Variants in ISM1 observed in about 807,000 individuals in gnomAD.
ISM1 encodes the protein isthmin 1.
In ISM1, 25 loss-of-function variants were observed where a neutral mutation model predicts 46.3. The observed-to-expected ratio is 0.54, with a 90% CI of 0.39 to 0.75. ISM1 has a LOEUF of 0.75. Among genes scored for constraint, ISM1 ranks in the 30% least tolerant of loss-of-function variants. ISM1 has a pLI of 0.00. For missense variants in ISM1, 536 were observed against 625.4 expected (o/e 0.86, Z 1.52); for synonymous variants, 255 against 256.7 (o/e 0.99, Z 0.06).
chr20:13,307,902 G>A, the ISM1 span, among the ~76,000 whole-genome samples: 1 of 152,192 alleles, frequency 6.6e-6, no homozygotes, highest in East Asian at 1.9e-4. Context: ...AGTCCAGGGT[G>A]TGCTTTTGGG....
intron 5 of ISM1, among the ~76,000 whole-genome samples, chr20:13,297,179 G>C (rs533775438): frequency 6.6e-6 from 1 of 152,216 alleles, no homozygotes; most frequent in Non-Finnish European, 1.5e-5. Flanking sequence ...TATGGGGAAA[G>C]GGCGTTCTTT....
chr20:13,296,281 G>A (rs890671257), intron 5 of ISM1, among the ~76,000 whole-genome samples: 20 of 152,180 alleles, frequency 1.3e-4, no homozygotes, highest in African/African-American at 4.3e-4. Context: ...GCCCAGCTGC[G>A]CATGAATGCA....
At chr20:13,282,476 G>C (rs1459939060) in intron 3 of ISM1, among the ~76,000 whole-genome samples, 5 of 152,178 alleles carry the variant, frequency 3.3e-5, no homozygotes, top group Admixed American at 3.3e-4. Flanking sequence ...TGAGCATTAA[G>C]AACACCCCCT....
At chr20:13,223,951 G>T (rs1367310851) in intron 1 of ISM1, among the ~76,000 whole-genome samples, 1 of 151,990 alleles carries the variant, frequency 6.6e-6, no homozygotes, top group Non-Finnish European at 1.5e-5. Context: ...GGCCTTTTCC[G>T]CTTGAACAGT....
intron 1 of ISM1, among the ~76,000 whole-genome samples, 170 bp from the exon 2 acceptor site, chr20:13,270,334 A>G (rs2040097285): frequency 6.6e-6 from 1 of 152,240 alleles, no homozygotes; most frequent in African/African-American, 2.4e-5. Context: ...TCTGGCTTTT[A>G]AGACATGAAG....
At chr20:13,267,015 A>AC (rs1398756464) in intron 1 of ISM1, among the ~76,000 whole-genome samples, 2 of 152,148 alleles carry the variant, frequency 1.3e-5, no homozygotes, top group Non-Finnish European at 2.9e-5. Flanking sequence ...GTTGTCTCCT[A>AC]CCCTAGATTT....
At chr20:13,274,366 C>T (rs1453505219) in intron 2 of ISM1, among the ~76,000 whole-genome samples, 1 of 152,192 alleles carries the variant, frequency 6.6e-6, no homozygotes, top group Non-Finnish European at 1.5e-5. Context: ...CATTCCCTCT[C>T]CCTGGGTAGC....
At chr20:13,317,683 C>G in the ISM1 span, among the ~76,000 whole-genome samples, 4 of 152,162 alleles carry the variant, frequency 2.6e-5, no homozygotes, top group East Asian at 7.7e-4. Flanking sequence ...AAAGACAACA[C>G]AGTGGAGAAA....
intron 2 of ISM1, among the ~76,000 whole-genome samples, chr20:13,276,395 A>C (rs1555813719): frequency 6.6e-6 from 1 of 151,902 alleles, no homozygotes. Flanking sequence ...CAATGTATTA[A>C]TTTTCAAGAG....
At chr20:13,302,501 A>G (rs2040467155), downstream of ISM1, among the ~76,000 whole-genome samples, 1 of 152,176 alleles carries the variant, frequency 6.6e-6, no homozygotes, top group Non-Finnish European at 1.5e-5. Context: ...CATTCAACAC[A>G]GGGCCCCAAG....
At chr20:13,293,035 TA>T (rs1051131098) in intron 5 of ISM1, among the ~76,000 whole-genome samples, 10 of 151,762 alleles carry the variant, frequency 6.6e-5, no homozygotes, top group African/African-American at 2.2e-4. Context: ...CCGTCTCTAC[TA>T]AAAATACAAA....
At chr20:13,227,927 A>G (rs1438396233) in intron 1 of ISM1, among the ~76,000 whole-genome samples, 5 of 145,842 alleles carry the variant, frequency 3.4e-5, no homozygotes, top group Non-Finnish European at 7.5e-5. Flanking sequence ...TAATTCTAAG[A>G]TTTACTTATT....
intron 2 of ISM1, among the ~76,000 whole-genome samples, chr20:13,274,214 G>A (rs1427252631): frequency 6.6e-6 from 1 of 152,150 alleles, no homozygotes; most frequent in Non-Finnish European, 1.5e-5. Flanking sequence ...CTACAAGGAG[G>A]TGATGGTTTC....
chr20:13,244,684 C>G (rs2039773259), intron 1 of ISM1, among the ~76,000 whole-genome samples: 1 of 152,180 alleles, frequency 6.6e-6, no homozygotes, highest in Non-Finnish European at 1.5e-5. Flanking sequence ...TCTTCAAAAT[C>G]CCTGGCCAGG....
chr20:13,266,709 G>A (rs371886588), intron 1 of ISM1, among the ~76,000 whole-genome samples: 52 of 152,342 alleles, frequency 3.4e-4, no homozygotes, highest in African/African-American at 1.1e-3. Context: ...GAATGGTCAT[G>A]ATGCTTTCCT....
chr20:13,287,044 A>C (rs1306488259), intron 3 of ISM1, among the ~76,000 whole-genome samples: 1 of 151,938 alleles, frequency 6.6e-6, no homozygotes, highest in Non-Finnish European at 1.5e-5. Flanking sequence ...CTTTCTGTTA[A>C]CCCAGTGACC....
At chr20:13,261,200 G>C (rs2039985512) in intron 1 of ISM1, among the ~76,000 whole-genome samples, 1 of 152,100 alleles carries the variant, frequency 6.6e-6, no homozygotes. Flanking sequence ...GATCACCTGA[G>C]GTCAGGAATT....
chr20:13,228,192 C>T (rs972988850), intron 1 of ISM1, among the ~76,000 whole-genome samples: 21 of 151,976 alleles, frequency 1.4e-4, no homozygotes, highest in Admixed American at 6.5e-4. Flanking sequence ...AGGCTGGTCT[C>T]GAACTCTTCA....
At chr20:13,256,961 G>A (rs928038684) in intron 1 of ISM1, among the ~76,000 whole-genome samples, 1 of 152,148 alleles carries the variant, frequency 6.6e-6, no homozygotes. Context: ...AGCTGGGCCT[G>A]AGGGGAAAAA....
Sources: allele counts gnomAD v4.1 joint callset (sites outside exome capture counted in the v4.1 genomes callset), GRCh38; gene constraint gnomAD v4.1.1; transcripts MANE v1.5; gene names NCBI Gene and HGNC (gene_info 2026-07-23, HGNC 2026-07-21).